Variants in MEF2A observed in about 807,000 individuals in gnomAD.
MEF2A encodes the protein myocyte enhancer factor 2A, also known as myocyte-specific enhancer factor 2A.
In MEF2A, 28 loss-of-function variants were observed where a neutral mutation model predicts 55.8. The observed-to-expected ratio is 0.50, with a 90% CI of 0.37 to 0.69. The LOEUF (loss-of-function observed/expected upper bound fraction) is 0.69. Ranked by LOEUF, MEF2A falls within the 30% of genes least tolerant of loss-of-function variation. The probability of loss-of-function intolerance (pLI) is 0.00; values close to 1 mark genes in which losing one functional copy is unlikely to be tolerated. For synonymous variants in MEF2A, 239 were observed against 227.1 expected (o/e 1.05, Z -0.47); for missense variants, 528 against 626.2 (o/e 0.84, Z 1.67).
intron 1 of MEF2A, among the ~76,000 whole-genome samples, chr15:99,598,019 C>T (rs1017394785): frequency 2.0e-5 from 3 of 152,010 alleles, no homozygotes; most frequent in Non-Finnish European, 4.4e-5. Context: ...TTGATGAAAA[C>T]AATATGGTGA....
At chr15:99,629,029 A>T (rs764665877) in intron 2 of MEF2A, among the ~76,000 whole-genome samples, 2 of 147,654 alleles carry the variant, frequency 1.4e-5, no homozygotes, top group Non-Finnish European at 3.0e-5. Flanking sequence ...CATTTTGAAG[A>T]TACCATTTCA....
chr15:99,619,981 GT>G (rs2040860250), intron 2 of MEF2A, among the ~76,000 whole-genome samples: 1 of 152,164 alleles, frequency 6.6e-6, no homozygotes, highest in African/African-American at 2.4e-5. Context: ...AATGTTTAAA[GT>G]TTTCTGGCAT....
chr15:99,661,563 G>T (rs1181430285), intron 4 of MEF2A, among the ~76,000 whole-genome samples: 3 of 151,936 alleles, frequency 2.0e-5, no homozygotes, highest in East Asian at 3.9e-4. Context: ...AAAGGCAGTA[G>T]AAAACTTAGC....
chr15:99,708,411 A>G (rs757894476), intron 10 of MEF2A, among the ~76,000 whole-genome samples: 1 of 152,186 alleles, frequency 6.6e-6, no homozygotes, highest in African/African-American at 2.4e-5. Context: ...CACTATACTT[A>G]TTTTTAGAAA....
chr15:99,610,680 T>A (rs1976923689), intron 2 of MEF2A, among the ~76,000 whole-genome samples: 1 of 152,090 alleles, frequency 6.6e-6, no homozygotes, highest in African/African-American at 2.4e-5. Context: ...AATTATTATT[T>A]TTTTTCACAA....
chr15:99,660,317 A>C (rs1791077112), intron 4 of MEF2A, among the ~76,000 whole-genome samples: 1 of 152,032 alleles, frequency 6.6e-6, no homozygotes, highest in South Asian at 2.1e-4. Flanking sequence ...TTTCAGAATG[A>C]CCCATTTTCT....
chr15:99,702,638 G>A lies in MEF2A; in HGVS notation c.859-724G>A, dbSNP rs1242917601. On this transcript the variant is annotated intron_variant, in intron 8 of 11. Transcript: ENST00000557942. ...AGACAAGGTTTCACCATCTTGGCCA[G>A]GCTGGTCTTGAACTCCTGACGTGAG... 3.9e-5 allele frequency among the ~76,000 whole-genome samples: 6 copies of A among 152,116 alleles called. No individual in the cohort carries two copies. In the East Asian group the frequency reaches 9.7e-4, roughly 24 times the overall value.
intron 2 of MEF2A, among the ~76,000 whole-genome samples, chr15:99,618,282 G>A (rs1011823311): frequency 1.3e-5 from 2 of 152,134 alleles, no homozygotes; most frequent in African/African-American, 4.8e-5. Flanking sequence ...GGAATATTCT[G>A]TATAATGACT....
rs987606858 is a variant in MEF2A, at chr15:99,659,874, A to G, written c.259-11449A>G. On this transcript the variant is annotated intron_variant, in intron 4 of 11. Coordinates refer to ENST00000557942, the MANE Select transcript of MEF2A (RefSeq NM_001319206.4). ...ACAGATTTCAAGAAAAATATAATTT[A>G]ACAAATGTAATAAAGAAAAAATAGA... Among the ~76,000 whole-genome samples the G allele has an allele frequency of 2.0e-5, 3 of 152,220 alleles. No homozygotes were observed. In the East Asian group the frequency reaches 5.8e-4, roughly 29 times the overall value.
intron 4 of MEF2A, among the ~76,000 whole-genome samples, chr15:99,665,102 A>G (rs866729173): frequency 4.6e-5 from 7 of 152,242 alleles, no homozygotes; most frequent in Non-Finnish European, 1.0e-4. Flanking sequence ...TGCAGCTACT[A>G]CAAGTTTTCT....
intron 2 of MEF2A, among the ~76,000 whole-genome samples, chr15:99,628,007 C>T (rs557483788): frequency 1.0e-3 from 156 of 152,170 alleles, no homozygotes; most frequent in African/African-American, 3.3e-3. Flanking sequence ...TGATGTGTAA[C>T]GTATTATAAT....
chr15:99,623,890 C>T (rs1489806015), intron 2 of MEF2A, among the ~76,000 whole-genome samples: 4 of 149,248 alleles, frequency 2.7e-5, no homozygotes, highest in African/African-American at 9.9e-5. Context: ...TCACTGCAAT[C>T]TCCGCTTCCC....
At chr15:99,692,723 G>T (rs1243119505) in intron 8 of MEF2A, among the ~76,000 whole-genome samples, 1 of 152,226 alleles carries the variant, frequency 6.6e-6, no homozygotes, top group Non-Finnish European at 1.5e-5. Context: ...ACAACTGGGA[G>T]AGGGGAAGAG....
intron 7 of MEF2A, among the ~76,000 whole-genome samples, chr15:99,679,369 G>A (rs1280752235): frequency 6.6e-6 from 1 of 152,202 alleles, no homozygotes; most frequent in Non-Finnish European, 1.5e-5. Flanking sequence ...ACATTCATAT[G>A]AAAGAATATT....
intron 7 of MEF2A, among the ~76,000 whole-genome samples, chr15:99,685,254 A>T (rs2054004653): frequency 6.6e-6 from 1 of 152,000 alleles, no homozygotes; most frequent in Non-Finnish European, 1.5e-5. Context: ...TTTTGATGGG[A>T]ATTGCATTGA....
chr15:99,565,456 G>A (rs1959161352), upstream of MEF2A: 1 of 149,662 alleles, frequency 6.7e-6, no homozygotes, highest in Non-Finnish European at 1.5e-5. Flanking sequence ...CTCCCGGCCT[G>A]GGCTCCCGGG....
intron 4 of MEF2A, among the ~76,000 whole-genome samples, chr15:99,648,310 T>TTAA (rs1216416290): frequency 3.3e-5 from 5 of 152,152 alleles, no homozygotes; most frequent in Non-Finnish European, 7.4e-5. Flanking sequence ...TGATCTTATT[T>TTAA]AGAGATTCCT....
rs567199402 is a variant in MEF2A at position 99,712,135 on chromosome 15, T to C, written c.1137-255T>C. Among the ~76,000 whole-genome samples, 20 of 152,344 alleles carry C rather than the reference T, an allele frequency of 1.3e-4. No individual in the cohort carries two copies. The highest frequency in any genetic ancestry group is 4.3e-4 in the African/African-American group (18 of 41,590). On this transcript the variant is annotated intron_variant, in intron 11 of 11. Transcript: ENST00000557942. This position sits in a 1 kb window ranked among gnomAD's most constrained non-coding sequence, Gnocchi z 4.1. ...CTGACATTGTTTTGTATACTTTAGC[T>C]GCAAAAGTACCAACGTTGTGGGTAA...
At chr15:99,568,836 G>GGT (rs1051788926) in intron 1 of MEF2A, among the ~76,000 whole-genome samples, 15 of 152,062 alleles carry the variant, frequency 9.9e-5, no homozygotes, top group African/African-American at 3.6e-4. Flanking sequence ...GGTTACTCAT[G>GGT]GTACATATGA....
Sources: gnomAD v4.1 joint callset for allele counts (sites outside exome capture counted in the v4.1 genomes callset) on GRCh38, gnomAD v4.1.1 for gene constraint, Gnocchi (gnomAD v3.1) non-coding constraint, MANE v1.5 for transcripts, NCBI Gene and HGNC (gene_info 2026-07-23, HGNC 2026-07-21) for gene names.